Variants in CACNA1S observed in about 807,000 individuals in gnomAD.
The protein encoded by CACNA1S is calcium voltage-gated channel subunit alpha1 S, also known as voltage-dependent L-type calcium channel subunit alpha-1S.
Under a neutral mutation model 207.4 loss-of-function variants are expected in CACNA1S, and 126 were observed. The ratio of observed to expected loss-of-function variants is 0.61; its 90% CI spans 0.53 to 0.70. The LOEUF (loss-of-function observed/expected upper bound fraction) is 0.70. Among genes scored for constraint, CACNA1S ranks in the 30% least tolerant of loss-of-function variants. CACNA1S has a pLI of 0.00. For missense variants in CACNA1S, 2,349 were observed against 2,422.8 expected (o/e 0.97, Z 0.64); for synonymous variants, 960 against 932.7 (o/e 1.03, Z -0.53).
At position 201,112,416 on chromosome 1, in the gene CACNA1S, C is replaced by T; in HGVS notation, c.-77G>A. 1.2e-6 allele frequency: 2 copies of T among 1,608,458 alleles called. No homozygotes were observed. Among genetic ancestry groups the T allele is most frequent in the Non-Finnish European group, 1.7e-6 (2 of 1,179,542 alleles). The stretch of plus-strand genomic sequence containing the variant: ...CTTCCCTGTGTCCCCAATGCCCCCG[C>T]CTTGGGGACTAGGCTGGCTGAGGCT... On this transcript the variant is annotated 5_prime_UTR_variant, in exon 1 of 44. Transcript: ENST00000362061.
chr1:201,069,242 G>A (rs775061401), intron 18 of CACNA1S, 46 bp from the exon 19 acceptor site: 3 of 1,559,336 alleles, frequency 1.9e-6, no homozygotes, highest in African/African-American at 2.7e-5. Context: ...AGGAGGAGGG[G>A]GCAACAGTAT....
intron 7 of CACNA1S, among the ~76,000 whole-genome samples, chr1:201,086,283 A>T (rs1385124898): frequency 6.6e-6 from 1 of 152,254 alleles, no homozygotes. Context: ...TTGAAAGTCC[A>T]GTTAAGCCTA....
In CACNA1S at chr1:201,043,375, G is replaced by A. The variant is rs143933255; in HGVS notation, c.4954C>T (p.Arg1652Cys). ...TTGGCACGAGCCAGGGGGTTGGTGCGTGGATCTTGTGGGAAGTCCTCCAAG... is the reference window on the plus strand; with the variant it reads ...TTGGCACGAGCCAGGGGGTTGGTGCATGGATCTTGTGGGAAGTCCTCCAAG... The part of the protein sequence containing the change: ...VFLEDFPQDP[R>C]TNPLARANTN... The change falls in exon 40 of 44, where the codon CGC (arginine) becomes TGC (cysteine). Residue 1652 changes from arginine to cysteine, a missense_variant. Transcript: ENST00000362061. The A allele has an allele frequency of 2.0e-4, 327 of 1,614,186 alleles. 1 individual carries two copies. The highest frequency in any genetic ancestry group is 2.2e-4 in the Admixed American group (13 of 60,026).
intron 2 of CACNA1S, among the ~76,000 whole-genome samples, chr1:201,108,243 C>A (rs958171443): frequency 4.6e-5 from 7 of 151,760 alleles, no homozygotes; most frequent in African/African-American, 1.5e-4. Flanking sequence ...GTAGATGGAA[C>A]AAGAGGCATG....
chr1:201,075,700 C>A (rs757490820), intron 12 of CACNA1S, 85 bp from the exon 13 acceptor site: 11 of 1,463,116 alleles, frequency 7.5e-6, no homozygotes, highest in Non-Finnish European at 1.0e-5. Flanking sequence ...AAGTTCTCCT[C>A]CAACTCTGTG....
At position 201,039,810 on chromosome 1, in the gene CACNA1S, C is replaced by T; in HGVS notation, c.*21G>A. On this transcript the variant is annotated 3_prime_UTR_variant, in exon 44 of 44. Coordinates refer to ENST00000362061, the MANE Select transcript of CACNA1S (RefSeq NM_000069.3). ...CCATTGGTCATGCCAGCTCTAAGCC[C>T]ATGCTGATGCTGTGTGGGCATCACA... 1 of 1,601,322 alleles carries T rather than the reference C, an allele frequency of 6.2e-7. No individual in the cohort carries two copies. The highest frequency in any genetic ancestry group is 8.5e-7 in the Non-Finnish European group (1 of 1,179,968).
chr1:201,053,595 G>A lies in CACNA1S; in HGVS notation c.3667-8C>T. 1 of 1,613,790 alleles carries A rather than the reference G, an allele frequency of 6.2e-7. No homozygotes were observed. Among genetic ancestry groups the A allele is most frequent in the Non-Finnish European group, 8.5e-7 (1 of 1,179,944 alleles). Reference sequence around the variant, plus strand: ...GGCACTCTCATCTGGGTCCTGCGGGGCAGCAGCCCCAGAGGTCAGTCTGGG... The same window carrying A: ...GGCACTCTCATCTGGGTCCTGCGGGACAGCAGCCCCAGAGGTCAGTCTGGG... On this transcript the variant is annotated splice_region_variant and splice_polypyrimidine_tract_variant and intron_variant, in intron 29 of 43. Transcript: ENST00000362061. This position sits in a 1 kb window ranked among gnomAD's most constrained non-coding sequence, Gnocchi z 5.1.
rs752993082 is a variant in CACNA1S, at chr1:201,084,932, C to G, written c.1232+18G>C. 1.1e-5 allele frequency: 18 copies of G among 1,583,064 alleles called. No homozygotes were observed. Among genetic ancestry groups the G allele is most frequent in the Non-Finnish European group, 1.5e-5 (17 of 1,153,168 alleles). On this transcript the variant is annotated intron_variant, in intron 9 of 43. Transcript: ENST00000362061. Reference sequence around the variant, plus strand: ...AGCTGGGGGTTGGGGGTTCCTGGGGCAGTGGGCAGATACTCACATGAACTG... The same window carrying G: ...AGCTGGGGGTTGGGGGTTCCTGGGGGAGTGGGCAGATACTCACATGAACTG...
At chr1:201,075,881 A>T (rs924972488) in intron 12 of CACNA1S, among the ~76,000 whole-genome samples, 5 of 152,216 alleles carry the variant, frequency 3.3e-5, no homozygotes, top group African/African-American at 9.6e-5. Context: ...CAGCTTGGCC[A>T]ACATGGTGAG....
At chr1:201,046,826 G>A (rs766941034) in intron 38 of CACNA1S, among the ~76,000 whole-genome samples, 3 of 152,180 alleles carry the variant, frequency 2.0e-5, no homozygotes, top group Non-Finnish European at 4.4e-5. Context: ...GAGCCACTGC[G>A]CCTGGCCTAG....
At chr1:201,054,305 C>T (rs947141698) in intron 29 of CACNA1S, among the ~76,000 whole-genome samples, 200 bp downstream of exon 29, 1 of 152,198 alleles carries the variant, frequency 6.6e-6, no homozygotes, top group African/African-American at 2.4e-5. Flanking sequence ...TCTGAGGAAG[C>T]CGCTATATCC....
At chr1:201,088,252 T>C (rs991597106) in intron 6 of CACNA1S, among the ~76,000 whole-genome samples, 1 of 152,158 alleles carries the variant, frequency 6.6e-6, no homozygotes, top group African/African-American at 2.4e-5. Context: ...CTATCTCCAG[T>C]TGATTTATTT....
At position 201,052,572 on chromosome 1, in the gene CACNA1S, A is replaced by G. The variant is rs1660692019; in HGVS notation, c.3938T>C (p.Val1313Ala). The G allele has an allele frequency of 6.2e-7, 1 of 1,613,812 alleles. No homozygotes were observed. ...NNNFQTFPQA[V>A]LLLFRCATGE... ...AGACGCGTGCCTGAAGAGCAGTAGC[A>G]CAGCTTGTGGGAAGGTCTGGAAGTT... Residue 1313 changes from valine (V) to alanine (A), a missense_variant, in exon 32 of 44, where the codon GTG becomes GCG. Val to Ala is a moderately conservative substitution (Grantham distance 64, BLOSUM62 0). Transcript: ENST00000362061.
chr1:201,092,235 G>T, intron 3 of CACNA1S, 121 bp from the exon 4 acceptor site: 1 of 964,800 alleles, frequency 1.0e-6, no homozygotes, highest in Non-Finnish European at 1.6e-6. Flanking sequence ...GGGAGAGACG[G>T]CAAATACGGG....
intron 14 of CACNA1S, 119 bp downstream of exon 14, chr1:201,074,387 G>A (rs1661531732): frequency 2.8e-6 from 2 of 721,466 alleles, no homozygotes; most frequent in Admixed American, 2.0e-5. Flanking sequence ...GCCCACTGAG[G>A]TGGGTGTCAC....
Position 201,066,841 on chromosome 1 carries a change from A to T in CACNA1S, c.2657+46T>A, listed in dbSNP as rs1172052259. 1 of 1,415,916 alleles carries T rather than the reference A, an allele frequency of 7.1e-7. No homozygotes were observed. The highest frequency in any genetic ancestry group is 1.0e-6 in the Non-Finnish European group (1 of 1,003,720). The allele number at this position is 1,415,916 out of a possible 1,614,324, so 87.7% of individuals were successfully genotyped here. On this transcript the variant is annotated intron_variant, in intron 20 of 43. Transcript: ENST00000362061. This position sits in a 1 kb window ranked among gnomAD's most constrained non-coding sequence, Gnocchi z 4.3. ...CTCCCACTACAAAGCCCTGGCACAG[A>T]GCAGAGGGTGGTCTGTGCCCAGGGC... is the stretch of plus-strand genomic sequence containing the variant.
rs1661501601 is a variant in CACNA1S at position 201,073,723 on chromosome 1, T to C, written c.2064-81A>G. ...GAACCTGACAACACCTTCAGGAGGA[T>C]CCCACACCAAGGGCTCCAGGGGATC... is the stretch of plus-strand genomic sequence containing the variant. On this transcript the variant is annotated intron_variant, in intron 14 of 43. Coordinates refer to ENST00000362061, the MANE Select transcript of CACNA1S (RefSeq NM_000069.3). 4.0e-5 allele frequency: 45 copies of C among 1,114,762 alleles called. No individual in the cohort carries two copies. In the South Asian group the frequency reaches 5.4e-4, roughly 13 times the overall value. The allele number at this position is 1,114,762 out of a possible 1,614,324, so 69.1% of individuals were successfully genotyped here. A position where few individuals can be genotyped will look rare whatever the true frequency, so the allele number is the denominator to read the frequency against.
Position 201,074,665 on chromosome 1 carries a change from A to G in CACNA1S, c.1949-45T>C, listed in dbSNP as rs776491793. The G allele has an allele frequency of 8.0e-6, 10 of 1,256,726 alleles. 1 individual carries two copies. The Middle Eastern group carries it at 7.6e-4, about 96-fold the overall frequency. The allele number at this position is 1,256,726 out of a possible 1,614,324, so 77.8% of individuals were successfully genotyped here. A position where few individuals can be genotyped will look rare whatever the true frequency, so the allele number is the denominator to read the frequency against. ...GAGCCTTTGGTTGTAGGTGGAAGGG[A>G]GCCTGCAGGGCAGGAGTTCTGTCTG... On this transcript the variant is annotated intron_variant, in intron 13 of 43. Coordinates refer to ENST00000362061, the MANE Select transcript of CACNA1S (RefSeq NM_000069.3).
chr1:201,082,982 C>T (rs756077150), intron 10 of CACNA1S, among the ~76,000 whole-genome samples, 180 bp downstream of exon 10: 1 of 152,156 alleles, frequency 6.6e-6, no homozygotes. Context: ...CTCCGTTTTA[C>T]CCCCGTGAAA....
Sources: gnomAD v4.1 joint callset for allele counts (sites outside exome capture counted in the v4.1 genomes callset) on GRCh38, gnomAD v4.1.1 for gene constraint, Gnocchi (gnomAD v3.1) non-coding constraint, MANE v1.5 for transcripts, NCBI Gene and HGNC (gene_info 2026-07-23, HGNC 2026-07-21) for gene names.